Variants in FHOD3 observed in about 807,000 individuals in gnomAD.
FHOD3 encodes FH1/FH2 domain-containing protein 3.
Under a neutral mutation model 173.0 loss-of-function variants are expected in FHOD3, and 90 were observed. The ratio of observed to expected loss-of-function variants is 0.52; its 90% confidence interval spans 0.44 to 0.62. The LOEUF (loss-of-function observed/expected upper bound fraction) is 0.62, where lower values mean the gene tolerates loss of function less well. Among genes scored for constraint, FHOD3 ranks in the 20% least tolerant of loss-of-function variants. FHOD3 has a pLI of 0.00. For missense variants in FHOD3, 1,945 were observed against 2,034.7 expected, an observed-to-expected ratio of 0.96 and a Z score of 0.85; for synonymous variants, 828 against 823.0, an observed-to-expected ratio of 1.01 and a Z score of -0.10.
At chr18:36,503,318 C>T (rs966302553) in intron 4 of FHOD3, among the ~76,000 whole-genome samples, 1 of 152,208 alleles carries the variant, frequency 6.6e-6, no homozygotes, top group Non-Finnish European at 1.5e-5. Context: ...TTACATTCTA[C>T]TTCTTTTCAG....
chr18:36,758,980 G>A, intron 25 of FHOD3, 138 bp from the exon 26 acceptor site: 2 of 902,148 alleles, frequency 2.2e-6, no homozygotes, highest in Non-Finnish European at 3.5e-6. Context: ...AACTCAAGAG[G>A]ATGTATCCTG....
In FHOD3 at chr18:36,649,320, G is replaced by A; in HGVS notation, c.1201G>A (p.Glu401Lys). The change falls in exon 11 of 29, where the codon GAG becomes AAG. Residue 401 changes from glutamate (E) to lysine (K), a missense_variant. This residue lies in a region of FHOD3 where 1,099 missense variants were observed against 1,051.2 expected (regional missense o/e 1.05). Coordinates refer to ENST00000590592, the MANE Select transcript of FHOD3 (RefSeq NM_001281740.3). ...CTTTTCCTGGCTTTGTCTCAGGGAGGAGGAGGAGGAAGAGGAGCAGCCAAT... is the reference window on the plus strand; with the variant it reads ...CTTTTCCTGGCTTTGTCTCAGGGAGAAGGAGGAGGAAGAGGAGCAGCCAAT... ...NQVRDLREKE[E>K]EEEEEQPITE... is the part of the protein sequence containing the mutation. 2 of 1,535,576 alleles carry A rather than the reference G, an allele frequency of 1.3e-6. No homozygotes were observed. The highest frequency in any genetic ancestry group is 2.4e-5 in the East Asian group (1 of 40,904).
At chr18:36,560,983 T>A (rs1378922778) in intron 5 of FHOD3, among the ~76,000 whole-genome samples, 7 of 152,012 alleles carry the variant, frequency 4.6e-5, no homozygotes, top group Non-Finnish European at 8.8e-5. Context: ...ACCCCAACCC[T>A]CATGAAATTT....
chr18:36,449,159 G>A (rs1186449801), intron 3 of FHOD3, among the ~76,000 whole-genome samples: 1 of 151,924 alleles, frequency 6.6e-6, no homozygotes, highest in African/African-American at 2.4e-5. Flanking sequence ...GAGCTATTTG[G>A]GGGCACTGTA....
intron 10 of FHOD3, among the ~76,000 whole-genome samples, chr18:36,636,972 G>C (rs1469088970): frequency 1.3e-5 from 1 of 78,500 alleles, no homozygotes; most frequent in Non-Finnish European, 2.6e-5. Context: ...AAATAATTTT[G>C]ATCATGAGAT....
intron 5 of FHOD3, among the ~76,000 whole-genome samples, chr18:36,519,466 C>A (rs2056163461): frequency 6.6e-6 from 1 of 152,162 alleles, no homozygotes; most frequent in African/African-American, 2.4e-5. Context: ...TCTCATTGGT[C>A]ATTTGGGTAG....
Position 36,693,433 on chromosome 18 carries a change from G to A in FHOD3, c.2236+10G>A, listed in dbSNP as rs770240307. On this transcript the variant is annotated intron_variant, in intron 17 of 28. Coordinates refer to ENST00000590592, the MANE Select transcript of FHOD3 (RefSeq NM_001281740.3). Reference sequence around the variant, plus strand: ...CCTCACCATCCCCAAGGTGAGTACAGGGAGAGTAGAGGGAAAATGAACAGG... The same window carrying A: ...CCTCACCATCCCCAAGGTGAGTACAAGGAGAGTAGAGGGAAAATGAACAGG... 3 of 1,610,972 alleles carry A rather than the reference G, an allele frequency of 1.9e-6. No homozygotes were observed. The South Asian group carries it at 3.3e-5, about 18-fold the overall frequency.
chr18:36,446,811 G>A (rs2051510259), intron 3 of FHOD3, among the ~76,000 whole-genome samples: 1 of 152,092 alleles, frequency 6.6e-6, no homozygotes, highest in Non-Finnish European at 1.5e-5. Flanking sequence ...CTCTCCAGTA[G>A]AATGAGTTAT....
intron 1 of FHOD3, among the ~76,000 whole-genome samples, chr18:36,326,073 C>G (rs920138078): frequency 3.3e-5 from 5 of 152,202 alleles, no homozygotes; most frequent in African/African-American, 1.2e-4. Flanking sequence ...GCAGTCAAGC[C>G]ATGTCCAGCT....
intron 14 of FHOD3, among the ~76,000 whole-genome samples, chr18:36,668,009 G>A (rs2037295630): frequency 6.6e-6 from 1 of 152,104 alleles, no homozygotes; most frequent in African/African-American, 2.4e-5. Flanking sequence ...CACAATGGCT[G>A]TACATGAGTA....
At chr18:36,466,365 ACAAG>A (rs2052938902) in intron 3 of FHOD3, among the ~76,000 whole-genome samples, 1 of 152,134 alleles carries the variant, frequency 6.6e-6, no homozygotes, top group Non-Finnish European at 1.5e-5. Context: ...TCTGCAGGAG[ACAAG>A]CAAGGAGGAC....
rs75243944 is a variant in FHOD3, at chr18:36,522,906, A to T, written c.511+10363A>T. Among the ~76,000 whole-genome samples the T allele has an allele frequency of 3.1e-3, 470 of 152,274 alleles. 1 individual carries two copies. The highest frequency in any genetic ancestry group is 0.011 in the African/African-American group (453 of 41,560). ...ATGTGGAGGGCTTTTACTTGATTTGATTTTCAGTATCCTCACTATTTCAAC... is the reference window on the plus strand; with the variant it reads ...ATGTGGAGGGCTTTTACTTGATTTGTTTTTCAGTATCCTCACTATTTCAAC... On this transcript the variant is annotated intron_variant, in intron 5 of 28. Coordinates refer to ENST00000590592, the MANE Select transcript of FHOD3 (RefSeq NM_001281740.3).
At chr18:36,656,824 T>A (rs1023527356) in intron 13 of FHOD3, among the ~76,000 whole-genome samples, 1 of 152,222 alleles carries the variant, frequency 6.6e-6, no homozygotes, top group Admixed American at 6.5e-5. Flanking sequence ...TATCATACTT[T>A]CGTAGCCATT....
intron 17 of FHOD3, among the ~76,000 whole-genome samples, chr18:36,707,397 C>T (rs1478312836): frequency 6.6e-6 from 1 of 152,212 alleles, no homozygotes; most frequent in Non-Finnish European, 1.5e-5. Flanking sequence ...TTTACTCCTC[C>T]ACCCCCAAAT....
intron 5 of FHOD3, among the ~76,000 whole-genome samples, chr18:36,551,078 G>A (rs959141958): frequency 6.6e-6 from 1 of 152,122 alleles, no homozygotes; most frequent in Non-Finnish European, 1.5e-5. Flanking sequence ...ATCAAGTTGA[G>A]GAAGTTTCCT....
intron 14 of FHOD3, among the ~76,000 whole-genome samples, chr18:36,669,154 A>C (rs1363260118): frequency 6.6e-6 from 1 of 151,858 alleles, no homozygotes; most frequent in East Asian, 1.9e-4. Context: ...TAGGTGCATA[A>C]ATATTTACAA....
intron 5 of FHOD3, among the ~76,000 whole-genome samples, chr18:36,549,683 G>A (rs1460917266): frequency 4.7e-5 from 7 of 149,264 alleles, no homozygotes; most frequent in South Asian, 2.1e-4. Flanking sequence ...GACTACAGGC[G>A]CCCTCCACCA....
At chr18:36,403,994 C>A (rs1281891741) in intron 3 of FHOD3, among the ~76,000 whole-genome samples, 1 of 152,228 alleles carries the variant, frequency 6.6e-6, no homozygotes, top group Non-Finnish European at 1.5e-5. Flanking sequence ...GATCATATTT[C>A]TACCTTATTA....
At chr18:36,619,948 A>G (rs1403946133) in intron 9 of FHOD3, among the ~76,000 whole-genome samples, 1 of 152,178 alleles carries the variant, frequency 6.6e-6, no homozygotes, top group Admixed American at 6.5e-5. Flanking sequence ...CTACAGGGGT[A>G]GGGCCTGGAG....
Sources: gnomAD v4.1 joint callset for allele counts (sites outside exome capture counted in the v4.1 genomes callset) on GRCh38, gnomAD v4.1.1 for gene constraint, gnomAD v4.1.1 regional missense constraint, MANE v1.5 for transcripts, NCBI Gene and HGNC (gene_info 2026-07-23, HGNC 2026-07-21) for gene names.